The following SERPINB5 variants were observed in gnomAD, a reference collection of about 807,000 sequenced individuals.
SERPINB5 encodes serpin B5.
SERPINB5 carries 27 observed loss-of-function variants against 32.2 expected under a neutral mutation model. The observed-to-expected ratio is 0.84, with a 90% CI of 0.62 to 1.16. SERPINB5 has a LOEUF of 1.16. Ranked by LOEUF, SERPINB5 falls within the 50% of genes most tolerant of loss-of-function variation. The pLI is 0.00. For missense variants in SERPINB5, 388 were observed against 436.3 expected (o/e 0.89, Z 0.99); for synonymous variants, 154 against 157.4 (o/e 0.98, Z 0.16).
intron 1 of SERPINB5, among the ~76,000 whole-genome samples, chr18:63,482,311 G>C (rs1917138324): frequency 6.6e-6 from 1 of 152,134 alleles, no homozygotes; most frequent in Non-Finnish European, 1.5e-5. Context: ...TTTGGGTACT[G>C]GCCAAAGGGA....
At chr18:63,479,293 A>C (rs1012072795) in intron 1 of SERPINB5, among the ~76,000 whole-genome samples, 1 of 152,304 alleles carries the variant, frequency 6.6e-6, no homozygotes, top group Admixed American at 6.5e-5. Flanking sequence ...TACCCACAGG[A>C]CTTTTTTCTC....
intron 4 of SERPINB5, 77 bp from the exon 5 acceptor site, chr18:63,492,876 A>G: frequency 1.3e-6 from 2 of 1,532,330 alleles, no homozygotes; most frequent in Non-Finnish European, 1.8e-6. Context: ...GTAAATACTC[A>G]GTGAATATGC....
intron 6 of SERPINB5, among the ~76,000 whole-genome samples, chr18:63,501,700 C>T (rs564832249): frequency 2.0e-5 from 3 of 152,312 alleles, no homozygotes; most frequent in Admixed American, 6.5e-5. Flanking sequence ...TCCTTTCCAG[C>T]ACCTCTTGTT....
intron 1 of SERPINB5, among the ~76,000 whole-genome samples, chr18:63,479,208 C>T (rs574568925): frequency 2.6e-5 from 4 of 152,166 alleles, no homozygotes; most frequent in South Asian, 2.1e-4. Context: ...TGAGAGTAAA[C>T]GGGGCACTGT....
At position 63,498,900 on chromosome 18, in the gene SERPINB5, T is replaced by C. The variant is rs1909508694; in HGVS notation, c.568-220T>C. 6.6e-6 allele frequency among the ~76,000 whole-genome samples: 1 copy of C among 150,944 alleles called. No individual in the cohort carries two copies. Among genetic ancestry groups the C allele is most frequent in the East Asian group, 1.9e-4 (1 of 5,156 alleles). ...GTGTATATGTATATGTATGTATATGTATGTATGCATATATATGTATATGTG... is the reference window on the plus strand; with the variant it reads ...GTGTATATGTATATGTATGTATATGCATGTATGCATATATATGTATATGTG... On this transcript the variant is annotated intron_variant, in intron 5 of 6. Transcript: ENST00000382771. The surrounding 1 kb of genome is among the most constrained non-coding windows in gnomAD (Gnocchi z 4.2).
intron 5 of SERPINB5, among the ~76,000 whole-genome samples, chr18:63,497,788 G>T (rs567619199): frequency 6.6e-6 from 1 of 152,140 alleles, no homozygotes; most frequent in Non-Finnish European, 1.5e-5. Context: ...CCACTGTCCT[G>T]TTCCTCTTTC....
At position 63,498,226 on chromosome 18, in the gene SERPINB5, A is replaced by G. The variant is rs1909490819; in HGVS notation, c.568-894A>G. On this transcript the variant is annotated intron_variant, in intron 5 of 6. Coordinates refer to ENST00000382771, the MANE Select transcript of SERPINB5 (RefSeq NM_002639.5). The surrounding 1 kb of genome is among the most constrained non-coding windows in gnomAD (Gnocchi z 4.2). The stretch of plus-strand genomic sequence containing the variant: ...TCCCTCAGTTTCCCAAGAAGCTGAG[A>G]TTACAGGCGTGTGCCACCATGCCTG... Among the ~76,000 whole-genome samples the G allele has an allele frequency of 6.6e-6, 1 of 152,124 alleles. No homozygotes were observed. Among genetic ancestry groups the G allele is most frequent in the African/African-American group, 2.4e-5 (1 of 41,420 alleles).
chr18:63,503,494 C>T lies in SERPINB5; in HGVS notation c.900C>T (p.Asp300=), dbSNP rs2144513598. The T allele has an allele frequency of 6.2e-7, 1 of 1,614,202 alleles. No individual in the cohort carries two copies. The highest frequency in any genetic ancestry group is 8.5e-7 in the Non-Finnish European group (1 of 1,180,036). Residue 300 remains aspartate, a synonymous_variant, in exon 7 of 7, where the codon GAC becomes GAT. Transcript: ENST00000382771. ...GGCTGAAACATATCTTCAGTGAAGA[C>T]ACATCTGATTTCTCTGGAATGTCAG... is the stretch of plus-strand genomic sequence containing the variant. ...NLGLKHIFSE[D]TSDFSGMSET... is the part of the protein sequence containing the mutation.
At chr18:63,497,001 G>A (rs540202355) in intron 5 of SERPINB5, 3 of 522,508 alleles carry the variant, frequency 5.7e-6, no homozygotes, top group South Asian at 1.5e-5. Flanking sequence ...GCAGCCCACC[G>A]GGGCATTACT....
At chr18:63,483,776 C>CGAGA (rs1340151488) in intron 1 of SERPINB5, among the ~76,000 whole-genome samples, 88 of 152,326 alleles carry the variant, frequency 5.8e-4, no homozygotes, top group African/African-American at 2.1e-3. Flanking sequence ...CTGTGTCTCT[C>CGAGA]CTCTTATTCC....
Position 63,486,946 on chromosome 18 carries a change from G to T in SERPINB5, c.169G>T (p.Val57Phe). ...KGDTANEIGQVLHFENVKDVP... is the reference protein window; with the variant it reads ...KGDTANEIGQFLHFENVKDVP... ...GGGTAACGGATTTTTCTCTTAACAG[G>T]TTCTTCATTTTGAAAATGTCAAAGA... Residue 57 changes from valine (V) to phenylalanine (F), a missense_variant and splice_region_variant, in exon 3 of 7, where the codon GTT becomes TTT. Physicochemically the swap from Val to Phe is conservative, Grantham distance 50. Coordinates refer to ENST00000382771, the MANE Select transcript of SERPINB5 (RefSeq NM_002639.5). The T allele has an allele frequency of 6.2e-7, 1 of 1,613,846 alleles. No individual in the cohort carries two copies. Among genetic ancestry groups the T allele is most frequent in the Non-Finnish European group, 8.5e-7 (1 of 1,179,870 alleles).
At chr18:63,491,273 G>A (rs1196729639) in intron 4 of SERPINB5, among the ~76,000 whole-genome samples, 1 of 151,474 alleles carries the variant, frequency 6.6e-6, no homozygotes. Context: ...ATGGTGTCAC[G>A]CACCTGTAGT....
chr18:63,503,186 C>T (rs1909604796), intron 6 of SERPINB5, 144 bp from the exon 7 acceptor site: 2 of 883,378 alleles, frequency 2.3e-6, no homozygotes, highest in African/African-American at 1.7e-5. Flanking sequence ...GAGTCACATA[C>T]CAAAAACTTC....
Position 63,504,005 on chromosome 18 carries a change from C to T in SERPINB5, c.*283C>T, listed in dbSNP as rs948511861. 23 of 364,414 alleles carry T rather than the reference C, an allele frequency of 6.3e-5. No individual in the cohort carries two copies. The highest frequency in any genetic ancestry group is 2.3e-4 in the Admixed American group (5 of 21,550). 22.6% of individuals were successfully genotyped at this position (364,414 alleles called of 1,614,324 possible). On this transcript the variant is annotated 3_prime_UTR_variant, in exon 7 of 7. Coordinates refer to ENST00000382771, the MANE Select transcript of SERPINB5 (RefSeq NM_002639.5). ...TTTATTCATTATTTGTCAAATTGTC[C>T]GGGGTAGTTGGCAGAAATACAGTCT...
intron 1 of SERPINB5, among the ~76,000 whole-genome samples, chr18:63,482,116 T>C (rs1917135884): frequency 6.6e-6 from 1 of 152,208 alleles, no homozygotes; most frequent in South Asian, 2.1e-4. Context: ...CTCTGAGATA[T>C]AATCGATTTA....
At chr18:63,491,404 CAAAAAAAAAAA>C (rs1555670766) in intron 4 of SERPINB5, among the ~76,000 whole-genome samples, 1 of 81,426 alleles carries the variant, frequency 1.2e-5, no homozygotes, top group African/African-American at 5.2e-5. Context: ...CTGCGTCTCC[CAAAAAAAAAAA>C]AAAAAAAAAA....
At chr18:63,485,433 G>A (rs971016489) in intron 2 of SERPINB5, among the ~76,000 whole-genome samples, 4 of 152,146 alleles carry the variant, frequency 2.6e-5, no homozygotes, top group Non-Finnish European at 4.4e-5. Context: ...CATTTAAAAA[G>A]GCAACACCTT....
At chr18:63,491,280 T>C (rs1909327402) in intron 4 of SERPINB5, among the ~76,000 whole-genome samples, 1 of 151,378 alleles carries the variant, frequency 6.6e-6, no homozygotes, top group Admixed American at 6.6e-5. Context: ...CACGCACCTG[T>C]AGTCCCAGCT....
Position 63,486,976 on chromosome 18 carries a change from C to G in SERPINB5, c.199C>G (p.Pro67Ala). 1 of 1,614,050 alleles carries G rather than the reference C, an allele frequency of 6.2e-7. No homozygotes were observed. Among genetic ancestry groups the G allele is most frequent in the Non-Finnish European group, 8.5e-7 (1 of 1,179,970 alleles). The part of the protein sequence containing the change: ...VLHFENVKDV[P>A]FGFQTVTSDV... ...TCATTTTGAAAATGTCAAAGATGTA[C>G]CCTTTGGATTTCAAACAGTAACATC... The change falls in exon 3 of 7, where the codon CCC becomes GCC. Residue 67 changes from proline to alanine, a missense_variant. Pro to Ala is a conservative substitution (Grantham distance 27). Transcript: ENST00000382771.
Sources: allele counts gnomAD v4.1 joint callset (sites outside exome capture counted in the v4.1 genomes callset), GRCh38; gene constraint gnomAD v4.1.1; non-coding constraint Gnocchi (gnomAD v3.1); transcripts MANE v1.5; gene names NCBI Gene and HGNC (gene_info 2026-07-23, HGNC 2026-07-21).